The following CLNK variants were observed in gnomAD, a reference collection of about 807,000 sequenced individuals.
CLNK encodes cytokine dependent hematopoietic cell linker, also known as cytokine-dependent hematopoietic cell linker.
Under a neutral mutation model 68.6 loss-of-function variants are expected in CLNK, and 74 were observed. The ratio of observed to expected loss-of-function variants is 1.08; its 90% CI spans 0.89 to 1.31. The LOEUF (loss-of-function observed/expected upper bound fraction) is 1.31, where lower values mean the gene tolerates loss of function less well. CLNK is among the 50% of genes most tolerant of loss of function. The pLI is 0.00. For synonymous variants in CLNK, 198 were observed against 172.2 expected, an observed-to-expected ratio of 1.15 and a Z score of -1.17; for missense variants, 553 against 515.3, an observed-to-expected ratio of 1.07 and a Z score of -0.71.
At chr4:10,560,879 A>G (rs1018057393) in intron 7 of CLNK, among the ~76,000 whole-genome samples, 1 of 152,072 alleles carries the variant, frequency 6.6e-6, no homozygotes, top group Non-Finnish European at 1.5e-5. Context: ...CACTGATTAC[A>G]AATGTGAAAC....
chr4:10,562,328 C>G (rs1009891719), intron 7 of CLNK, among the ~76,000 whole-genome samples: 1 of 151,810 alleles, frequency 6.6e-6, no homozygotes. Context: ...AGTAACAGAC[C>G]CAAAGGCACA....
At chr4:10,561,077 T>A (rs1719871221) in intron 7 of CLNK, among the ~76,000 whole-genome samples, 1 of 152,000 alleles carries the variant, frequency 6.6e-6, no homozygotes, top group Non-Finnish European at 1.5e-5. Context: ...TTTTTTAATT[T>A]TTTTTTAGAG....
intron 1 of CLNK, 129 bp downstream of exon 1, chr4:10,684,539 T>C (rs901821686): frequency 1.3e-5 from 2 of 152,238 alleles, no homozygotes; most frequent in African/African-American, 4.8e-5. Flanking sequence ...TTTGATGCTA[T>C]ATATAAGGCC....
intron 1 of CLNK, among the ~76,000 whole-genome samples, chr4:10,683,374 G>A (rs765054542): frequency 1.3e-5 from 2 of 152,226 alleles, no homozygotes; most frequent in Non-Finnish European, 2.9e-5. Context: ...GAGAGGGCTT[G>A]TTGGGAATAA....
At chr4:10,639,112 G>A (rs1272017828) in intron 2 of CLNK, among the ~76,000 whole-genome samples, 3 of 152,160 alleles carry the variant, frequency 2.0e-5, no homozygotes, top group Non-Finnish European at 4.4e-5. Context: ...ACTGAAGTGG[G>A]CATTTCAGAA....
intron 2 of CLNK, among the ~76,000 whole-genome samples, chr4:10,640,413 G>A (rs967209499): frequency 3.3e-5 from 5 of 152,166 alleles, no homozygotes; most frequent in South Asian, 2.1e-4. Context: ...TGATCCTCCC[G>A]CATCAGTCTC....
chr4:10,716,555 C>T, the CLNK span, among the ~76,000 whole-genome samples: 3 of 152,262 alleles, frequency 2.0e-5, no homozygotes, highest in Middle Eastern at 3.4e-3. Flanking sequence ...TTCTGTTTTA[C>T]GTGTCCCAAA....
intron 3 of CLNK, among the ~76,000 whole-genome samples, chr4:10,587,532 T>C (rs2108838645): frequency 6.6e-6 from 1 of 152,312 alleles, no homozygotes; most frequent in Admixed American, 6.5e-5. Context: ...TAAATATTTA[T>C]GAGGTCTCTT....
the CLNK span, among the ~76,000 whole-genome samples, chr4:10,720,458 C>T: frequency 6.6e-6 from 1 of 151,768 alleles, no homozygotes; most frequent in Non-Finnish European, 1.5e-5. Context: ...GAAGAGGATA[C>T]GCAGATGACA....
At chr4:10,695,918 T>G in the CLNK span, among the ~76,000 whole-genome samples, 3 of 151,806 alleles carry the variant, frequency 2.0e-5, no homozygotes, top group East Asian at 5.8e-4. Context: ...TGCACTGGTG[T>G]GATCTTTGCT....
intron 2 of CLNK, chr4:10,598,567 C>A (rs984077990): frequency 6.5e-6 from 2 of 307,386 alleles, no homozygotes; most frequent in Non-Finnish European, 1.3e-5. Flanking sequence ...TTAGCAACAG[C>A]CACTCTGATT....
upstream of CLNK, among the ~76,000 whole-genome samples, chr4:10,687,668 C>A (rs4550919): frequency 0.46 from 70,012 of 151,930 alleles, 16,182 homozygotes; most frequent in South Asian, 0.52. Flanking sequence ...AGGTGGCTAG[C>A]ATGGAGAGGG....
In CLNK at chr4:10,532,399, T is replaced by TA. The variant is rs1718580435; in HGVS notation, c.603-117dup. 3 of 780,756 alleles carry TA rather than the reference T, an allele frequency of 3.8e-6. No homozygotes were observed. The African/African-American group carries it at 5.2e-5, about 13-fold the overall frequency. 48.4% of individuals were successfully genotyped at this position (780,756 alleles called of 1,614,324 possible). ...TTTTCATTGCCAAATTAACAGCCCATAGTCCAGTGAGATATTTATCACTCT... is the reference window on the plus strand; with the variant it reads ...TTTTCATTGCCAAATTAACAGCCCATAAGTCCAGTGAGATATTTATCACTCT... On this transcript the variant is annotated intron_variant, in intron 11 of 18. Transcript: ENST00000226951.
chr4:10,685,503 A>T (rs368600239), upstream of CLNK, among the ~76,000 whole-genome samples: 2 of 152,296 alleles, frequency 1.3e-5, no homozygotes, highest in African/African-American at 2.4e-5. Flanking sequence ...TTCGGCCTTA[A>T]TCTTGGTCCA....
chr4:10,491,260 T>G (rs760701532), intron 18 of CLNK, among the ~76,000 whole-genome samples: 1 of 152,226 alleles, frequency 6.6e-6, no homozygotes, highest in Non-Finnish European at 1.5e-5. Flanking sequence ...ACAACCTTTC[T>G]ATCCTAAGGA....
chr4:10,636,741 G>A (rs1357351902), intron 2 of CLNK, among the ~76,000 whole-genome samples: 1 of 152,188 alleles, frequency 6.6e-6, no homozygotes, highest in East Asian at 1.9e-4. Context: ...CTGTGAGGTT[G>A]AAATGCTTGA....
At chr4:10,541,035 T>C (rs1718994446) in intron 10 of CLNK, among the ~76,000 whole-genome samples, 1 of 151,876 alleles carries the variant, frequency 6.6e-6, no homozygotes, top group Admixed American at 6.6e-5. Flanking sequence ...GCCAACATGG[T>C]AAACCCCGTT....
At chr4:10,605,867 G>GAAAA (rs1721769826) in intron 2 of CLNK, among the ~76,000 whole-genome samples, 9 of 145,046 alleles carry the variant, frequency 6.2e-5, no homozygotes, top group Admixed American at 2.8e-4. Context: ...GAAAAGAAAA[G>GAAAA]GAAGTGGTAT....
chr4:10,660,227 T>G (rs1442765601), intron 2 of CLNK, among the ~76,000 whole-genome samples: 1 of 152,234 alleles, frequency 6.6e-6, no homozygotes, highest in African/African-American at 2.4e-5. Context: ...TTATGTTAAT[T>G]GAATTTGTCA....
Sources: gnomAD v4.1 joint callset for allele counts (sites outside exome capture counted in the v4.1 genomes callset) on GRCh38, gnomAD v4.1.1 for gene constraint, MANE v1.5 for transcripts, NCBI Gene and HGNC (gene_info 2026-07-23, HGNC 2026-07-21) for gene names.